Variants in WDR70 observed in about 807,000 individuals in gnomAD.
The protein encoded by WDR70 is WD repeat domain 70.
In WDR70, 53 loss-of-function variants were observed where a neutral mutation model predicts 88.6. The ratio of observed to expected loss-of-function variants is 0.60; its 90% confidence interval spans 0.48 to 0.75. WDR70 has a LOEUF of 0.75. WDR70 is among the 30% of genes least tolerant of loss of function. The pLI, the probability that WDR70 is intolerant of heterozygous loss-of-function variation, is 0.00. For synonymous variants in WDR70, 280 were observed against 270.0 expected (o/e 1.04, Z -0.36); for missense variants, 610 against 823.2 (o/e 0.74, Z 3.17).
chr5:37,468,732 T>C (rs1371364772), intron 7 of WDR70, among the ~76,000 whole-genome samples: 1 of 152,138 alleles, frequency 6.6e-6, no homozygotes, highest in Non-Finnish European at 1.5e-5. Context: ...CATCCAAGGA[T>C]TGGAAATATT....
chr5:37,675,050 C>A (rs111659704), intron 10 of WDR70, among the ~76,000 whole-genome samples: 4,403 of 151,834 alleles, frequency 0.029, 109 homozygotes, highest in Non-Finnish European at 0.041. Context: ...AGTGTCTGTT[C>A]ATGTCCTTCG....
At chr5:37,621,869 A>T (rs1350110579) in intron 10 of WDR70, among the ~76,000 whole-genome samples, 1 of 152,136 alleles carries the variant, frequency 6.6e-6, no homozygotes, top group Non-Finnish European at 1.5e-5. Flanking sequence ...TAGGTCTAAC[A>T]CTTAAGTCTT....
At chr5:37,575,834 G>A (rs115555493) in intron 9 of WDR70, among the ~76,000 whole-genome samples, 113 of 152,302 alleles carry the variant, frequency 7.4e-4, no homozygotes, top group African/African-American at 2.6e-3. Context: ...CCAAACTTGC[G>A]ATTGGCATCT....
intron 7 of WDR70, among the ~76,000 whole-genome samples, chr5:37,449,871 A>G (rs537906407): frequency 1.3e-5 from 2 of 152,092 alleles, no homozygotes; most frequent in African/African-American, 2.4e-5. Flanking sequence ...CTACATAGCT[A>G]TTTCTCCTAA....
At chr5:37,511,391 A>G (rs1180459626) in intron 8 of WDR70, among the ~76,000 whole-genome samples, 3 of 151,990 alleles carry the variant, frequency 2.0e-5, no homozygotes, top group African/African-American at 4.8e-5. Flanking sequence ...AGGCTCTTCA[A>G]CGTGTGCTTT....
At chr5:37,416,085 C>A (rs1255095730) in intron 5 of WDR70, among the ~76,000 whole-genome samples, 1 of 151,876 alleles carries the variant, frequency 6.6e-6, no homozygotes, top group Admixed American at 6.6e-5. Context: ...CAGGCAGAGA[C>A]GCTCCTCACT....
chr5:37,666,048 C>A (rs1334431408), intron 10 of WDR70, among the ~76,000 whole-genome samples: 1 of 152,218 alleles, frequency 6.6e-6, no homozygotes, highest in Non-Finnish European at 1.5e-5. Flanking sequence ...GGGAAGGAAG[C>A]ATCGGCTCTC....
intron 7 of WDR70, among the ~76,000 whole-genome samples, chr5:37,468,656 A>C (rs1739234187): frequency 1.3e-5 from 2 of 152,114 alleles, no homozygotes; most frequent in African/African-American, 4.8e-5. Flanking sequence ...ATTGTTAACT[A>C]TATTCATCCT....
intron 4 of WDR70, 79 bp downstream of exon 4, chr5:37,392,199 T>A: frequency 6.8e-7 from 1 of 1,460,834 alleles, no homozygotes; most frequent in Non-Finnish European, 9.3e-7. Flanking sequence ...TTTTTTAATT[T>A]TTTTGAGATG....
chr5:37,734,720 G>A (rs903862420), intron 17 of WDR70, among the ~76,000 whole-genome samples: 1 of 152,068 alleles, frequency 6.6e-6, no homozygotes, highest in African/African-American at 2.4e-5. Context: ...TGAGTGAAAT[G>A]AGGGAGTGAG....
chr5:37,563,319 C>T (rs1742591861), intron 9 of WDR70, among the ~76,000 whole-genome samples: 1 of 62,914 alleles, frequency 1.6e-5, no homozygotes, highest in African/African-American at 4.8e-5. Flanking sequence ...CCCCACCTCC[C>T]TCCTGGACGG....
intron 10 of WDR70, among the ~76,000 whole-genome samples, chr5:37,679,774 G>A (rs552436058): frequency 3.0e-4 from 45 of 152,308 alleles, no homozygotes; most frequent in African/African-American, 8.9e-4. Context: ...CTGTCAGACC[G>A]GGACATTTAA....
chr5:37,726,062 T>G (rs1683115989), intron 16 of WDR70, among the ~76,000 whole-genome samples: 1 of 152,162 alleles, frequency 6.6e-6, no homozygotes, highest in Non-Finnish European at 1.5e-5. Flanking sequence ...CCCATTCTGC[T>G]TATTGAAAAT....
chr5:37,619,738 TG>T (rs2112501758), intron 10 of WDR70, among the ~76,000 whole-genome samples: 1 of 151,914 alleles, frequency 6.6e-6, no homozygotes, highest in East Asian at 1.9e-4. Context: ...CCTCCCTGTT[TG>T]GTTTTTTTTT....
At chr5:37,613,399 CT>C (rs1744242768) in intron 10 of WDR70, among the ~76,000 whole-genome samples, 1 of 152,130 alleles carries the variant, frequency 6.6e-6, no homozygotes, top group South Asian at 2.1e-4. Context: ...CATTTGGAAG[CT>C]GGAAGCCAGA....
At chr5:37,390,079 A>G (rs1432415471) in intron 3 of WDR70, among the ~76,000 whole-genome samples, 1 of 143,148 alleles carries the variant, frequency 7.0e-6, no homozygotes, top group Non-Finnish European at 1.5e-5. Context: ...AGATTATCTC[A>G]GGTTATTGAG....
At chr5:37,577,531 G>A (rs576341566) in intron 9 of WDR70, among the ~76,000 whole-genome samples, 3 of 152,174 alleles carry the variant, frequency 2.0e-5, no homozygotes, top group East Asian at 3.9e-4. Context: ...ATAATAATTC[G>A]AGAGAAGAGG....
In WDR70 at chr5:37,516,521, C is replaced by G. The variant is rs1475720059; in HGVS notation, c.848C>G (p.Thr283Arg). ...IVDMANTKGH[T>R]AMLHTGSWHP... Reference sequence around the variant, plus strand: ...TTTGTCTTTATTTTTAAGGGTCATACAGCAATGCTTCATACTGGCTCATGG... The same window carrying G: ...TTTGTCTTTATTTTTAAGGGTCATAGAGCAATGCTTCATACTGGCTCATGG... The change falls in exon 9 of 18, where the codon ACA becomes AGA. Residue 283 changes from threonine (T) to arginine (R), a missense_variant. By Grantham distance (71) the Thr-to-Arg change is moderately conservative. This residue lies in a region of WDR70 where 83 missense variants were observed against 155.3 expected (regional missense o/e 0.53). Transcript: ENST00000265107. 5.0e-6 allele frequency: 8 copies of G among 1,594,306 alleles called. No homozygotes were observed. Among genetic ancestry groups the G allele is most frequent in the South Asian group, 1.1e-5 (1 of 88,070 alleles).
rs144056015 is a variant in WDR70, at chr5:37,417,584, C to T, written c.493-20338C>T. Among the ~76,000 whole-genome samples, 1,355 of 151,632 alleles carry T rather than the reference C, an allele frequency of 8.9e-3. 23 individuals are homozygous for T. Among genetic ancestry groups the T allele is most frequent in the African/African-American group, 0.031 (1,299 of 41,312 alleles). On this transcript the variant is annotated intron_variant, in intron 5 of 17. Transcript: ENST00000265107. The stretch of plus-strand genomic sequence containing the variant: ...GACAGCGTATTGCTCTGTTGCCCAG[C>T]CTGGAGTGCAGTGGCACAATCATAG...
Sources: gnomAD v4.1 joint callset for allele counts (sites outside exome capture counted in the v4.1 genomes callset) on GRCh38, gnomAD v4.1.1 for gene constraint, gnomAD v4.1.1 regional missense constraint, MANE v1.5 for transcripts, NCBI Gene and HGNC (gene_info 2026-07-23, HGNC 2026-07-21) for gene names.